The following TAFA1 variants were observed in gnomAD, a reference collection of about 807,000 sequenced individuals.
TAFA1 encodes the protein chemokine-like protein TAFA-1.
A neutral mutation model predicts 18.5 loss-of-function variants in TAFA1; 4 were observed. That is an observed-to-expected ratio of 0.22 (90% CI 0.11 to 0.49). TAFA1 has a LOEUF of 0.49. Among genes scored for constraint, TAFA1 ranks in the 20% least tolerant of loss-of-function variants. TAFA1 has a pLI of 0.98. For synonymous variants in TAFA1, 56 were observed against 55.2 expected, an observed-to-expected ratio of 1.01 and a Z score of -0.06; for missense variants, 147 against 169.0, an observed-to-expected ratio of 0.87 and a Z score of 0.72.
At chr3:68,321,980 AAGAC>A (rs2068702833) in intron 2 of TAFA1, among the ~76,000 whole-genome samples, 1 of 152,188 alleles carries the variant, frequency 6.6e-6, no homozygotes, top group Admixed American at 6.5e-5. Context: ...TCCATTCCCA[AAGAC>A]AGAGTTTTTT....
At chr3:68,390,320 G>A (rs1206250831) in intron 2 of TAFA1, among the ~76,000 whole-genome samples, 1 of 152,146 alleles carries the variant, frequency 6.6e-6, no homozygotes, top group African/African-American at 2.4e-5. Flanking sequence ...TCATCTCTGG[G>A]CAGGGCATCT....
chr3:68,082,044 G>A (rs1315379150), intron 2 of TAFA1, among the ~76,000 whole-genome samples: 1 of 152,208 alleles, frequency 6.6e-6, no homozygotes, highest in African/African-American at 2.4e-5. Flanking sequence ...CATTGGAAAA[G>A]CGCAGTACTC....
At chr3:68,312,147 T>C (rs2106681228) in intron 2 of TAFA1, among the ~76,000 whole-genome samples, 1 of 152,308 alleles carries the variant, frequency 6.6e-6, no homozygotes, top group Admixed American at 6.5e-5. Context: ...GTCCCTAGGC[T>C]GCACACAGCA....
intron 2 of TAFA1, among the ~76,000 whole-genome samples, chr3:68,368,567 C>T (rs2069617773): frequency 1.4e-5 from 1 of 71,540 alleles, no homozygotes; most frequent in South Asian, 7.6e-4. Flanking sequence ...TAACCAGAGG[C>T]CATCTTGAGA....
At chr3:68,408,673 A>G (rs1054566526) in intron 2 of TAFA1, among the ~76,000 whole-genome samples, 1 of 151,934 alleles carries the variant, frequency 6.6e-6, no homozygotes, top group Non-Finnish European at 1.5e-5. Flanking sequence ...ATCATTTAGT[A>G]AATGTGTGAC....
At chr3:68,270,513 G>A (rs1388487) in intron 2 of TAFA1, among the ~76,000 whole-genome samples, 47 of 152,206 alleles carry the variant, frequency 3.1e-4, no homozygotes, top group African/African-American at 1.0e-3. Flanking sequence ...ATGCAGCATC[G>A]ATTCCCCTGT....
At chr3:68,435,764 A>G (rs1447190683) in intron 3 of TAFA1, among the ~76,000 whole-genome samples, 2 of 152,216 alleles carry the variant, frequency 1.3e-5, no homozygotes, top group Non-Finnish European at 2.9e-5. Flanking sequence ...ATCAAGGATC[A>G]CTATGGCAAG....
chr3:68,293,860 C>T (rs72626936), intron 2 of TAFA1, among the ~76,000 whole-genome samples: 4,008 of 152,156 alleles, frequency 0.026, 91 homozygotes, highest in East Asian at 0.096. Context: ...GGGACTGCTC[C>T]GTCTATCCCT....
chr3:68,223,141 CA>C (rs1559564461), intron 2 of TAFA1, among the ~76,000 whole-genome samples: 1 of 152,088 alleles, frequency 6.6e-6, no homozygotes, highest in Non-Finnish European at 1.5e-5. Context: ...AGTGGGTGAA[CA>C]TCTTTCCTGT....
At chr3:68,402,261 G>A (rs1314656370) in intron 2 of TAFA1, among the ~76,000 whole-genome samples, 1 of 152,126 alleles carries the variant, frequency 6.6e-6, no homozygotes, top group African/African-American at 2.4e-5. Flanking sequence ...TGTTATTGCT[G>A]ACATGCCTGG....
At chr3:68,221,913 A>G (rs2066735889) in intron 2 of TAFA1, among the ~76,000 whole-genome samples, 2 of 152,204 alleles carry the variant, frequency 1.3e-5, no homozygotes, top group Admixed American at 1.3e-4. Flanking sequence ...ATGAAAATCC[A>G]TGGTGTATTT....
intron 2 of TAFA1, among the ~76,000 whole-genome samples, chr3:68,408,619 C>G (rs934240926): frequency 1.3e-5 from 2 of 152,138 alleles, no homozygotes; most frequent in Non-Finnish European, 2.9e-5. Context: ...TTCCCTCCCT[C>G]TCTTTCTTTC....
At chr3:68,528,668 A>G (rs748152075) in intron 3 of TAFA1, among the ~76,000 whole-genome samples, 15 of 152,206 alleles carry the variant, frequency 9.9e-5, no homozygotes, top group Non-Finnish European at 2.1e-4. Flanking sequence ...CAGGTTGCAC[A>G]AAAGTAAGTC....
rs115847627 is a variant in TAFA1, at chr3:68,508,825, G to C, written c.260-29931G>C. On this transcript the variant is annotated intron_variant, in intron 3 of 4. Transcript: ENST00000478136. ...TAACAACATTAAATAAAGTGGTATA[G>C]ATAGAGTTCATAGGGCAAGTAAGAG... Among the ~76,000 whole-genome samples the C allele has an allele frequency of 6.3e-3, 957 of 152,156 alleles. 12 individuals carry two copies. Among genetic ancestry groups the C allele is most frequent in the African/African-American group, 0.021 (886 of 41,530 alleles).
intron 2 of TAFA1, among the ~76,000 whole-genome samples, chr3:68,115,394 C>CA (rs1559525757): frequency 2.6e-5 from 4 of 151,866 alleles, no homozygotes; most frequent in Admixed American, 1.3e-4. Flanking sequence ...ATCTGTGAAG[C>CA]AAAAAAATGG....
At chr3:68,177,691 T>C (rs542244118) in intron 2 of TAFA1, among the ~76,000 whole-genome samples, 9 of 152,196 alleles carry the variant, frequency 5.9e-5, no homozygotes, top group Non-Finnish European at 8.8e-5. Flanking sequence ...AAGCTGGAAG[T>C]CTTGAGGAAG....
At chr3:68,541,269 C>T (rs1245253110) in intron 4 of TAFA1, among the ~76,000 whole-genome samples, 1 of 152,166 alleles carries the variant, frequency 6.6e-6, no homozygotes, top group African/African-American at 2.4e-5. Context: ...CTCCTCCCTC[C>T]TTCTCAAGAA....
At chr3:68,092,808 A>G (rs1041218406) in intron 2 of TAFA1, among the ~76,000 whole-genome samples, 2 of 152,186 alleles carry the variant, frequency 1.3e-5, no homozygotes, top group Admixed American at 1.3e-4. Flanking sequence ...CCCCATGTGC[A>G]TACAGAAGAA....
intron 2 of TAFA1, among the ~76,000 whole-genome samples, chr3:68,365,087 AG>A (rs1348351931): frequency 4.6e-5 from 7 of 152,178 alleles, no homozygotes; most frequent in Admixed American, 1.3e-4. Flanking sequence ...TATTAATAGT[AG>A]TTGTGTTTGT....
Sources: gnomAD v4.1 joint callset for allele counts (sites outside exome capture counted in the v4.1 genomes callset) on GRCh38, gnomAD v4.1.1 for gene constraint, MANE v1.5 for transcripts, NCBI Gene and HGNC (gene_info 2026-07-23, HGNC 2026-07-21) for gene names.